Variants in SMYD3 observed in about 807,000 individuals in gnomAD.
SMYD3 encodes the protein SET and MYND domain containing 3.
Under a neutral mutation model 57.7 loss-of-function variants are expected in SMYD3, and 36 were observed. The observed-to-expected ratio is 0.62, with a 90% CI of 0.48 to 0.82. SMYD3 has a LOEUF of 0.82. SMYD3 is among the 40% of genes least tolerant of loss of function. The pLI is 0.00. For missense variants in SMYD3, 515 were observed against 538.8 expected, an observed-to-expected ratio of 0.96 and a Z score of 0.44; for synonymous variants, 211 against 195.0, an observed-to-expected ratio of 1.08 and a Z score of -0.68.
rs1432666583 is a variant in SMYD3, at chr1:246,004,909, A to G, written c.532-74972T>C. Among the ~76,000 whole-genome samples the G allele has an allele frequency of 3.3e-5, 5 of 152,186 alleles. No individual in the cohort carries two copies. In the South Asian group the frequency reaches 1.0e-3, roughly 31 times the overall value. ...ACCCAGGTTGGAGAGCAGTGGTGCA[A>G]TCATGACTCGCTGCAGCCTCAACCT... On this transcript the variant is annotated intron_variant, in intron 5 of 11. Coordinates refer to ENST00000490107, the MANE Select transcript of SMYD3 (RefSeq NM_001167740.2).
At chr1:246,054,289 G>C (rs1185682801) in intron 5 of SMYD3, among the ~76,000 whole-genome samples, 2 of 152,266 alleles carry the variant, frequency 1.3e-5, no homozygotes. Flanking sequence ...TGATGATGCA[G>C]AGCAACTGGA....
At chr1:245,788,988 C>T (rs760362956) in intron 10 of SMYD3, 9 of 152,162 alleles carry the variant, frequency 5.9e-5, no homozygotes, top group Admixed American at 1.3e-4. Flanking sequence ...ACTAGGGGAC[C>T]GAGAAGGTGG....
chr1:246,376,252 T>C (rs1199256393), intron 1 of SMYD3, among the ~76,000 whole-genome samples: 1 of 152,136 alleles, frequency 6.6e-6, no homozygotes, highest in African/African-American at 2.4e-5. Context: ...ACCGATCTTA[T>C]GTTCATATTG....
chr1:246,122,636 C>A (rs1023994416), intron 5 of SMYD3, among the ~76,000 whole-genome samples: 1 of 152,160 alleles, frequency 6.6e-6, no homozygotes, highest in African/African-American at 2.4e-5. Context: ...TAATTAAAGA[C>A]CAAATCACAT....
intron 5 of SMYD3, among the ~76,000 whole-genome samples, chr1:245,977,404 C>G (rs946941305): frequency 6.6e-6 from 1 of 152,154 alleles, no homozygotes; most frequent in African/African-American, 2.4e-5. Flanking sequence ...AGGGGCCACG[C>G]ACGGTGGCTC....
intron 5 of SMYD3, among the ~76,000 whole-genome samples, chr1:245,998,943 A>G (rs573606096): frequency 6.6e-6 from 1 of 152,300 alleles, no homozygotes; most frequent in African/African-American, 2.4e-5. Context: ...TTCTGAGAGT[A>G]GTCAAACTCA....
intron 5 of SMYD3, among the ~76,000 whole-genome samples, chr1:246,028,904 A>C (rs527781597): frequency 3.9e-4 from 59 of 152,240 alleles, no homozygotes; most frequent in Non-Finnish European, 6.0e-4. Context: ...TTAGCATAGA[A>C]TAGAGAACCT....
chr1:246,436,703 T>C (rs938569007), intron 1 of SMYD3, among the ~76,000 whole-genome samples: 1 of 152,198 alleles, frequency 6.6e-6, no homozygotes, highest in African/African-American at 2.4e-5. Context: ...CCTGCTTCGT[T>C]AGTCTCCTCC....
chr1:246,486,677 C>CG (rs1304199224), intron 1 of SMYD3, among the ~76,000 whole-genome samples: 3 of 152,174 alleles, frequency 2.0e-5, no homozygotes, highest in African/African-American at 7.2e-5. Context: ...ATGGAAGCAG[C>CG]GCTCAAACCT....
chr1:246,214,908 T>C (rs1260303214), intron 5 of SMYD3, among the ~76,000 whole-genome samples: 1 of 152,200 alleles, frequency 6.6e-6, no homozygotes, highest in African/African-American at 2.4e-5. Flanking sequence ...CTTATATATA[T>C]GCTCTATTAT....
chr1:245,949,825 A>ACCCCCCCCCCCCCCC (rs376505931), intron 5 of SMYD3, among the ~76,000 whole-genome samples: 21 of 93,326 alleles, frequency 2.3e-4, no homozygotes, highest in East Asian at 4.6e-4. Flanking sequence ...AAAGAAACCC[A>ACCCCCCCCCCCCCCC]CCCCCCCCAC....
chr1:246,457,273 T>C (rs2067711553), intron 1 of SMYD3, among the ~76,000 whole-genome samples: 1 of 151,638 alleles, frequency 6.6e-6, no homozygotes, highest in Non-Finnish European at 1.5e-5. Flanking sequence ...TCATCACTCC[T>C]CTATTGGAAA....
chr1:246,459,978 AAC>A (rs1356800694), intron 1 of SMYD3, among the ~76,000 whole-genome samples: 1 of 151,672 alleles, frequency 6.6e-6, no homozygotes, highest in African/African-American at 2.4e-5. Context: ...AACACAAGAT[AAC>A]ACACTTAGGC....
At chr1:245,855,455 A>G (rs1271648572) in intron 10 of SMYD3, among the ~76,000 whole-genome samples, 2 of 152,154 alleles carry the variant, frequency 1.3e-5, no homozygotes, top group African/African-American at 4.8e-5. Context: ...CTGAACTACT[A>G]ATTGGCGAAT....
chr1:246,465,499 T>G (rs149267196), intron 1 of SMYD3, among the ~76,000 whole-genome samples: 79 of 152,182 alleles, frequency 5.2e-4, no homozygotes, highest in African/African-American at 1.7e-3. Context: ...TTAACATAAA[T>G]TAATGAAGGA....
intron 5 of SMYD3, among the ~76,000 whole-genome samples, chr1:246,204,072 C>A (rs1327106156): frequency 6.6e-6 from 1 of 152,118 alleles, no homozygotes; most frequent in Non-Finnish European, 1.5e-5. Context: ...AAACAGAGCC[C>A]AGGGTATCTA....
intron 5 of SMYD3, among the ~76,000 whole-genome samples, chr1:246,068,213 A>G (rs1262165487): frequency 1.3e-5 from 2 of 150,796 alleles, no homozygotes; most frequent in Non-Finnish European, 2.9e-5. Flanking sequence ...GTTCCAGATG[A>G]TTTTGTGTAT....
chr1:246,442,168 C>A (rs1244076529), intron 1 of SMYD3, among the ~76,000 whole-genome samples: 1 of 152,186 alleles, frequency 6.6e-6, no homozygotes, highest in African/African-American at 2.4e-5. Flanking sequence ...CCATGAAGTA[C>A]CTTTTCTTCA....
At chr1:246,204,494 A>C (rs1172302429) in intron 5 of SMYD3, among the ~76,000 whole-genome samples, 2 of 152,202 alleles carry the variant, frequency 1.3e-5, no homozygotes, top group Non-Finnish European at 2.9e-5. Context: ...AAATTGGCTT[A>C]ACTCTTTCTT....
Sources: allele counts gnomAD v4.1 joint callset (sites outside exome capture counted in the v4.1 genomes callset), GRCh38; gene constraint gnomAD v4.1.1; transcripts MANE v1.5; gene names NCBI Gene and HGNC (gene_info 2026-07-23, HGNC 2026-07-21).